NECAB1: variants seen among roughly 807,000 people sequenced by gnomAD.
The protein encoded by NECAB1 is N-terminal EF-hand calcium binding protein 1, also known as N-terminal EF-hand calcium-binding protein 1.
Under a neutral mutation model 57.5 loss-of-function variants are expected in NECAB1, and 29 were observed. The ratio of observed to expected loss-of-function variants is 0.50; its 90% CI spans 0.38 to 0.69. NECAB1 has a LOEUF of 0.69. Among genes scored for constraint, NECAB1 ranks in the 30% least tolerant of loss-of-function variants. The pLI, the probability that NECAB1 is intolerant of heterozygous loss-of-function variation, is 0.00. For synonymous variants in NECAB1, 142 were observed against 147.7 expected, an observed-to-expected ratio of 0.96 and a Z score of 0.28; for missense variants, 372 against 413.8, an observed-to-expected ratio of 0.90 and a Z score of 0.88.
At chr8:90,944,778 A>G (rs1207707075) in intron 10 of NECAB1, among the ~76,000 whole-genome samples, 1 of 152,232 alleles carries the variant, frequency 6.6e-6, no homozygotes. Context: ...GAGAATTTGA[A>G]TATATTCAAA....
rs1808826495 is a variant in NECAB1, at chr8:90,881,036, A to T, written c.263A>T (p.Tyr88Phe). 1 of 1,587,116 alleles carries T rather than the reference A, an allele frequency of 6.3e-7. No homozygotes were observed. The highest frequency in any genetic ancestry group is 8.6e-7 in the Non-Finnish European group (1 of 1,166,556). ...NNLDTEELCE[Y>F]FSQHLGEYEN... ...TTTCAATATTTTCATTTTTCAGAAT[A>T]TTTTTCTCAGCACTTGGGCGAGTAT... Residue 88 changes from tyrosine to phenylalanine, a missense_variant, in exon 5 of 13, where the codon TAT becomes TTT. Physicochemically the swap from Tyr to Phe is conservative, Grantham distance 22. Coordinates refer to ENST00000417640, the MANE Select transcript of NECAB1 (RefSeq NM_022351.5).
At chr8:90,900,177 T>C (rs1427319987) in intron 5 of NECAB1, among the ~76,000 whole-genome samples, 2 of 152,182 alleles carry the variant, frequency 1.3e-5, no homozygotes, top group Admixed American at 1.3e-4. Flanking sequence ...GCAACTGACC[T>C]TAGTCTTTAT....
intron 10 of NECAB1, among the ~76,000 whole-genome samples, chr8:90,949,565 T>C (rs1810883304): frequency 6.6e-6 from 1 of 152,162 alleles, no homozygotes; most frequent in African/African-American, 2.4e-5. Flanking sequence ...GAGACTGTTT[T>C]CATGATGCAA....
At chr8:90,906,623 C>T (rs1046325887) in intron 5 of NECAB1, among the ~76,000 whole-genome samples, 1 of 151,972 alleles carries the variant, frequency 6.6e-6, no homozygotes, top group African/African-American at 2.4e-5. Context: ...GTTGTACATT[C>T]AAATAATATT....
At chr8:90,862,367 C>T (rs1808418468) in intron 3 of NECAB1, among the ~76,000 whole-genome samples, 1 of 152,062 alleles carries the variant, frequency 6.6e-6, no homozygotes, top group Non-Finnish European at 1.5e-5. Flanking sequence ...ATTGGAGATA[C>T]CTTTTTACCT....
intron 3 of NECAB1, among the ~76,000 whole-genome samples, chr8:90,834,618 G>C (rs1308067616): frequency 6.6e-6 from 1 of 152,110 alleles, no homozygotes; most frequent in Non-Finnish European, 1.5e-5. Flanking sequence ...AAATTACCCA[G>C]TCTGAAGTAT....
chr8:90,814,907 G>A (rs1812032508), intron 2 of NECAB1, among the ~76,000 whole-genome samples: 1 of 152,104 alleles, frequency 6.6e-6, no homozygotes, highest in Admixed American at 6.5e-5. Context: ...CAGCTAAGAA[G>A]CAAGGAAATA....
At chr8:90,934,459 A>G in intron 9 of NECAB1, 102 bp downstream of exon 9, 1 of 758,998 alleles carries the variant, frequency 1.3e-6, no homozygotes, top group Non-Finnish European at 2.0e-6. Context: ...TGAAAAACCA[A>G]GTAGTCGTAT....
At chr8:90,834,164 CAAAAAAAAAAA>C (rs71560282) in intron 3 of NECAB1, among the ~76,000 whole-genome samples, 25 of 49,138 alleles carry the variant, frequency 5.1e-4, no homozygotes, top group Non-Finnish European at 9.2e-4. Flanking sequence ...AACTGTGTCT[CAAAAAAAAAAA>C]AAAAAAAAAA....
intron 2 of NECAB1, among the ~76,000 whole-genome samples, chr8:90,811,188 T>C (rs1811953136): frequency 6.6e-6 from 1 of 152,134 alleles, no homozygotes. Context: ...CCTGACCTCA[T>C]GATCCACCTG....
intron 12 of NECAB1, among the ~76,000 whole-genome samples, chr8:90,955,133 T>TATAC (rs1483740614): frequency 7.4e-6 from 1 of 134,544 alleles, no homozygotes; most frequent in Non-Finnish European, 1.6e-5. Flanking sequence ...TATATATATA[T>TATAC]ATATATATAT....
chr8:90,832,564 T>A (rs1437800179), intron 3 of NECAB1, among the ~76,000 whole-genome samples: 1 of 152,156 alleles, frequency 6.6e-6, no homozygotes, highest in Non-Finnish European at 1.5e-5. Context: ...TTCTATATAA[T>A]TTCTAAAAAT....
intron 2 of NECAB1, among the ~76,000 whole-genome samples, chr8:90,808,792 C>T (rs544970358): frequency 6.6e-5 from 10 of 151,940 alleles, no homozygotes; most frequent in African/African-American, 9.7e-5. Flanking sequence ...ACTACAGGTG[C>T]GTGCCACCAT....
chr8:90,958,991 ATC>A lies in NECAB1; in HGVS notation c.*3481_*3482del. The stretch of plus-strand genomic sequence containing the variant: ...TTTGCAGATGTCCAAACTTAAATTC[ATC>A]TGTTCTTAAAATGCTACTTAAAACT... On this transcript the variant is annotated 3_prime_UTR_variant, in exon 13 of 13. Transcript: ENST00000417640. The A allele has an allele frequency of 7.1e-7, 1 of 1,405,712 alleles. No individual in the cohort carries two copies. Among genetic ancestry groups the A allele is most frequent in the Non-Finnish European group, 9.6e-7 (1 of 1,046,728 alleles). 87.1% of individuals were successfully genotyped at this position (1,405,712 alleles called of 1,614,324 possible).
chr8:90,810,617 C>G (rs149566159), intron 2 of NECAB1, among the ~76,000 whole-genome samples: 1 of 152,318 alleles, frequency 6.6e-6, no homozygotes, highest in East Asian at 1.9e-4. Flanking sequence ...CAAAACATGT[C>G]AGTTCCCCTT....
chr8:90,880,675 CTT>C (rs1161380892), intron 4 of NECAB1, among the ~76,000 whole-genome samples: 1 of 152,070 alleles, frequency 6.6e-6, no homozygotes, highest in Non-Finnish European at 1.5e-5. Context: ...TAAAATGTAA[CTT>C]AACTTTTTTC....
At chr8:90,833,801 G>C (rs1812327735) in intron 3 of NECAB1, among the ~76,000 whole-genome samples, 1 of 152,034 alleles carries the variant, frequency 6.6e-6, no homozygotes, top group African/African-American at 2.4e-5. Context: ...AACCAATTCT[G>C]TACATTTTTC....
At chr8:90,875,492 A>G in intron 4 of NECAB1, among the ~76,000 whole-genome samples, 1 of 147,558 alleles carries the variant, frequency 6.8e-6, no homozygotes, top group South Asian at 2.1e-4. Flanking sequence ...CGTCTCAAAA[A>G]AAAAAAAAAA....
chr8:90,842,536 T>C (rs1455579234), intron 3 of NECAB1, among the ~76,000 whole-genome samples: 1 of 152,200 alleles, frequency 6.6e-6, no homozygotes, highest in Non-Finnish European at 1.5e-5. Flanking sequence ...TGCTGTGAGC[T>C]GTTTGTTTCA....
Sources: allele counts gnomAD v4.1 joint callset (sites outside exome capture counted in the v4.1 genomes callset), GRCh38; gene constraint gnomAD v4.1.1; transcripts MANE v1.5; gene names NCBI Gene and HGNC (gene_info 2026-07-23, HGNC 2026-07-21).